Variants in SNX25 observed in about 807,000 individuals in gnomAD.
The protein encoded by SNX25 is sorting nexin-25.
Under a neutral mutation model 113.7 loss-of-function variants are expected in SNX25, and 62 were observed. That is an observed-to-expected ratio of 0.55 (90% CI 0.44 to 0.67). The LOEUF is 0.67. SNX25 is among the 30% of genes least tolerant of loss of function. The pLI is 0.00. For missense variants in SNX25, 1,014 were observed against 1,161.0 expected (o/e 0.87, Z 1.84); for synonymous variants, 421 against 436.2 (o/e 0.97, Z 0.43).
chr4:185,360,714 C>T (rs940412788), intron 16 of SNX25, among the ~76,000 whole-genome samples: 7 of 151,592 alleles, frequency 4.6e-5, no homozygotes, highest in Non-Finnish European at 7.4e-5. Flanking sequence ...TTTGGGAGGC[C>T]GAGGTGGGCC....
chr4:185,224,080 C>T (rs911191230), intron 1 of SNX25, among the ~76,000 whole-genome samples: 2 of 152,122 alleles, frequency 1.3e-5, no homozygotes, highest in African/African-American at 4.8e-5. Context: ...ATTCTGGGCA[C>T]AGTGGCTCAC....
chr4:185,362,460 C>G (rs2095369345), intron 17 of SNX25, 151 bp from the exon 18 acceptor site: 1 of 1,207,502 alleles, frequency 8.3e-7, no homozygotes, highest in Non-Finnish European at 1.1e-6. Flanking sequence ...ACATTCTTTC[C>G]TGAAGCATTT....
chr4:185,215,221 T>TC lies in SNX25; in HGVS notation c.429+4968dup, dbSNP rs1419672160. The stretch of plus-strand genomic sequence containing the variant: ...TCCAGCCTGGGCGACAGAGCGAGAC[T>TC]CCGTCTCAAAAAAAAAAAAATCTGG... On this transcript the variant is annotated intron_variant, in intron 1 of 18. Coordinates refer to ENST00000652585, the MANE Select transcript of SNX25 (RefSeq NM_001378034.2). Among the ~76,000 whole-genome samples the TC allele has an allele frequency of 2.0e-5, 3 of 151,378 alleles. No homozygotes were observed. The East Asian group carries it at 5.8e-4, about 29-fold the overall frequency.
At chr4:185,281,178 T>G (rs748877449) in intron 5 of SNX25, among the ~76,000 whole-genome samples, 7 of 152,124 alleles carry the variant, frequency 4.6e-5, no homozygotes, top group Non-Finnish European at 1.0e-4. Flanking sequence ...TTGATTGGGC[T>G]AAAATGCTCT....
At chr4:185,340,495 G>A (rs78259836) in intron 11 of SNX25, among the ~76,000 whole-genome samples, 1,888 of 152,270 alleles carry the variant, frequency 0.012, 55 homozygotes, top group East Asian at 0.11. Flanking sequence ...GAGAGCAGTG[G>A]ATCAGGGAAG....
rs190773276 is a variant in SNX25 at position 185,267,202 on chromosome 4, C to A, written c.1091+47C>A. ...CACAGCAACAGCTACTGATTATCAT[C>A]CCCTGCCTAGTTAGGTTAAAAAAAA... On this transcript the variant is annotated intron_variant, in intron 5 of 18. Transcript: ENST00000652585. 71 of 1,540,402 alleles carry A rather than the reference C, an allele frequency of 4.6e-5. No homozygotes were observed. In the African/African-American group the frequency reaches 8.5e-4, roughly 18 times the overall value.
At chr4:185,264,995 CT>C (rs976816621) in intron 4 of SNX25, among the ~76,000 whole-genome samples, 38 of 123,796 alleles carry the variant, frequency 3.1e-4, no homozygotes, top group Middle Eastern at 4.1e-3. Flanking sequence ...TGTTCAAATT[CT>C]TTTTTTTTTC....
intron 1 of SNX25, among the ~76,000 whole-genome samples, chr4:185,240,222 C>T (rs536041090): frequency 6.6e-6 from 1 of 152,136 alleles, no homozygotes; most frequent in Admixed American, 6.5e-5. Flanking sequence ...CACCTTTCCC[C>T]CCTTTCTATT....
chr4:185,212,532 G>T (rs945867228), intron 1 of SNX25, among the ~76,000 whole-genome samples: 1 of 130,024 alleles, frequency 7.7e-6, no homozygotes, highest in Non-Finnish European at 1.6e-5. Flanking sequence ...CTGCTCTGTC[G>T]TGCAAGCCAC....
At chr4:185,234,776 T>C (rs1388123842) in intron 1 of SNX25, among the ~76,000 whole-genome samples, 1 of 152,246 alleles carries the variant, frequency 6.6e-6, no homozygotes, top group Non-Finnish European at 1.5e-5. Flanking sequence ...TAAAGCACTT[T>C]TATGTGCATA....
intron 1 of SNX25, among the ~76,000 whole-genome samples, chr4:185,246,891 C>T (rs575052513): frequency 1.3e-5 from 2 of 152,052 alleles, no homozygotes; most frequent in Non-Finnish European, 2.9e-5. Flanking sequence ...AATGTAAGAC[C>T]GTAACCTTTT....
At chr4:185,376,961 A>C in the SNX25 span, 1 of 1,613,952 alleles carries the variant, frequency 6.2e-7, no homozygotes, top group Admixed American at 1.7e-5. Context: ...GTCTCCTTTC[A>C]GTATTCTTTC....
chr4:185,376,990 C>T, the SNX25 span: 2 of 1,613,528 alleles, frequency 1.2e-6, no homozygotes, highest in Admixed American at 1.7e-5. Context: ...GCTGCAATGC[C>T]TTATCCACCA....
At chr4:185,285,398 C>G (rs982196457) in intron 5 of SNX25, among the ~76,000 whole-genome samples, 4 of 152,206 alleles carry the variant, frequency 2.6e-5, no homozygotes, top group Admixed American at 2.0e-4. Flanking sequence ...TGGCCATACT[C>G]ATTATTGACC....
At chr4:185,374,048 G>T, downstream of SNX25, 2 of 1,089,446 alleles carry the variant, frequency 1.8e-6, no homozygotes, top group Non-Finnish European at 2.7e-6. Flanking sequence ...TATTTAAAAC[G>T]ACATTCCCCA....
At chr4:185,237,116 C>A (rs1472293317) in intron 1 of SNX25, among the ~76,000 whole-genome samples, 1 of 151,246 alleles carries the variant, frequency 6.6e-6, no homozygotes, top group Non-Finnish European at 1.5e-5. Context: ...GCTGCTCCTT[C>A]CTGTATCTAA....
At chr4:185,292,346 A>T (rs1325422416) in intron 6 of SNX25, among the ~76,000 whole-genome samples, 2 of 152,140 alleles carry the variant, frequency 1.3e-5, no homozygotes, top group Non-Finnish European at 2.9e-5. Context: ...TAATCCCAGC[A>T]CTTTGCGGGG....
At chr4:185,331,973 G>C (rs902802739) in intron 9 of SNX25, among the ~76,000 whole-genome samples, 3 of 152,224 alleles carry the variant, frequency 2.0e-5, no homozygotes, top group Non-Finnish European at 2.9e-5. Context: ...CTGCATTGCT[G>C]TTGCTGCTCT....
intron 2 of SNX25, among the ~76,000 whole-genome samples, chr4:185,251,757 ATTT>A (rs2126499979): frequency 6.6e-6 from 1 of 152,012 alleles, no homozygotes; most frequent in East Asian, 1.9e-4. Context: ...AGACTTAGAA[ATTT>A]CTCTGTACTT....
Sources: gnomAD v4.1 joint callset for allele counts (sites outside exome capture counted in the v4.1 genomes callset) on GRCh38, gnomAD v4.1.1 for gene constraint, MANE v1.5 for transcripts, NCBI Gene and HGNC (gene_info 2026-07-23, HGNC 2026-07-21) for gene names.